Variants in TENM2 observed in about 807,000 individuals in gnomAD.
TENM2 encodes teneurin transmembrane protein 2.
A neutral mutation model predicts 245.2 loss-of-function variants in TENM2; 52 were observed. The ratio of observed to expected loss-of-function variants is 0.21; its 90% CI spans 0.17 to 0.27. The LOEUF is 0.27. TENM2 is among the 10% of genes least tolerant of loss of function. The probability of loss-of-function intolerance (pLI) is 1.00; values close to 1 mark genes in which losing one functional copy is unlikely to be tolerated. For missense variants in TENM2, 3,046 were observed against 3,666.8 expected, an observed-to-expected ratio of 0.83 and a Z score of 4.37; for synonymous variants, 1,363 against 1,438.9, an observed-to-expected ratio of 0.95 and a Z score of 1.19.
chr5:166,980,343 GA>G, the TENM2 span, among the ~76,000 whole-genome samples: 1 of 152,186 alleles, frequency 6.6e-6, no homozygotes, highest in South Asian at 2.1e-4. Flanking sequence ...CTTGTCAATG[GA>G]GGGGAGGGTT....
chr5:168,107,855 G>C (rs1381512619), intron 9 of TENM2, among the ~76,000 whole-genome samples: 2 of 152,206 alleles, frequency 1.3e-5, no homozygotes, highest in African/African-American at 2.4e-5. Context: ...CCTCCCTGAA[G>C]CACCCTCAGA....
chr5:167,495,409 C>T (rs1442323550), intron 2 of TENM2, among the ~76,000 whole-genome samples: 1 of 151,930 alleles, frequency 6.6e-6, no homozygotes, highest in Non-Finnish European at 1.5e-5. Flanking sequence ...GTCAAAAGAT[C>T]ACAAGGGTTG....
At chr5:168,070,892 GAAAAGA>G (rs1373309765) in intron 7 of TENM2, among the ~76,000 whole-genome samples, 2 of 146,206 alleles carry the variant, frequency 1.4e-5, no homozygotes, top group African/African-American at 5.0e-5. Context: ...AGGAAGAAGA[GAAAAGA>G]AAAAGAAAAA....
chr5:168,235,679 C>T (rs1360851967), intron 25 of TENM2, among the ~76,000 whole-genome samples: 10 of 152,036 alleles, frequency 6.6e-5, no homozygotes, highest in East Asian at 3.9e-4. Context: ...TGGTGCGGCA[C>T]GCCTATAATC....
chr5:168,126,999 T>G, intron 12 of TENM2, 33 bp downstream of exon 14: 1 of 1,546,610 alleles, frequency 6.5e-7, no homozygotes. Flanking sequence ...AAATTGTAGA[T>G]CTATAGTGAT....
chr5:167,508,592 G>A (rs1344091931), intron 2 of TENM2, among the ~76,000 whole-genome samples: 1 of 152,154 alleles, frequency 6.6e-6, no homozygotes, highest in Non-Finnish European at 1.5e-5. Context: ...GCCACTGTGA[G>A]GCATGCATGC....
chr5:167,142,650 A>G, the TENM2 span, among the ~76,000 whole-genome samples: 1 of 152,086 alleles, frequency 6.6e-6, no homozygotes, highest in African/African-American at 2.4e-5. Flanking sequence ...ACTCGGGTTC[A>G]AGTGATTCTC....
the TENM2 span, among the ~76,000 whole-genome samples, chr5:166,982,783 GT>G: frequency 4.5e-4 from 66 of 147,328 alleles, no homozygotes; most frequent in Non-Finnish European, 3.3e-4. Context: ...ATATATATAT[GT>G]TTTTTTTGGG....
At chr5:166,997,316 C>T in the TENM2 span, among the ~76,000 whole-genome samples, 1 of 152,034 alleles carries the variant, frequency 6.6e-6, no homozygotes, top group South Asian at 2.1e-4. Context: ...TTATATAATC[C>T]TCAAAAGAGT....
chr5:167,219,759 C>T, the TENM2 span, among the ~76,000 whole-genome samples: 1 of 152,162 alleles, frequency 6.6e-6, no homozygotes. Context: ...AAAAAGCACT[C>T]CCTTTCAGAT....
At chr5:168,047,668 G>T (rs1168202847) in intron 6 of TENM2, 119 bp downstream of exon 8, 1 of 1,263,818 alleles carries the variant, frequency 7.9e-7, no homozygotes, top group African/African-American at 1.5e-5. Context: ...AAAGAAACGG[G>T]GGGAAAAATC....
At chr5:168,080,951 T>C (rs1475316807) in intron 7 of TENM2, among the ~76,000 whole-genome samples, 1 of 152,224 alleles carries the variant, frequency 6.6e-6, no homozygotes, top group African/African-American at 2.4e-5. Context: ...TTAGGTCTAC[T>C]TGGTGCAGAG....
chr5:167,424,754 T>C (rs1340841570), intron 2 of TENM2, among the ~76,000 whole-genome samples: 13 of 152,152 alleles, frequency 8.5e-5, no homozygotes, highest in Admixed American at 8.5e-4. Flanking sequence ...AAAAAAAATC[T>C]TCTGTTCAGC....
intron 2 of TENM2, among the ~76,000 whole-genome samples, chr5:167,624,659 C>T (rs1197557914): frequency 6.6e-6 from 1 of 152,150 alleles, no homozygotes; most frequent in Non-Finnish European, 1.5e-5. Context: ...GACAAAAATC[C>T]TGACATATAA....
chr5:167,053,706 A>T, the TENM2 span, among the ~76,000 whole-genome samples: 1 of 152,248 alleles, frequency 6.6e-6, no homozygotes, highest in South Asian at 2.1e-4. Context: ...TCCCTAATTT[A>T]AAAATTAAAC....
At chr5:168,135,522 C>G (rs930517346) in intron 12 of TENM2, among the ~76,000 whole-genome samples, 1 of 152,134 alleles carries the variant, frequency 6.6e-6, no homozygotes, top group East Asian at 1.9e-4. Context: ...CACTTATATG[C>G]ATTGTTATAA....
chr5:167,205,780 C>G, the TENM2 span, among the ~76,000 whole-genome samples: 1 of 152,168 alleles, frequency 6.6e-6, no homozygotes, highest in Non-Finnish European at 1.5e-5. Context: ...ATCAGCAAGC[C>G]TGCATCTCTT....
intron 2 of TENM2, among the ~76,000 whole-genome samples, chr5:167,549,522 T>G (rs1277692579): frequency 1.3e-5 from 2 of 152,178 alleles, no homozygotes; most frequent in Non-Finnish European, 2.9e-5. Context: ...ATTTCTGTTT[T>G]GGCCTAATAT....
chr5:167,275,494 A>G, the TENM2 span, among the ~76,000 whole-genome samples: 1 of 152,216 alleles, frequency 6.6e-6, no homozygotes, highest in African/African-American at 2.4e-5. Flanking sequence ...TCCATGACAC[A>G]ATATGTCTCT....
Sources: allele counts gnomAD v4.1 joint callset (sites outside exome capture counted in the v4.1 genomes callset), GRCh38; gene constraint gnomAD v4.1.1; transcripts MANE v1.5; gene names NCBI Gene and HGNC (gene_info 2026-07-23, HGNC 2026-07-21).